NRG1: variants seen among roughly 807,000 people sequenced by gnomAD.
NRG1 encodes pro-neuregulin-1, membrane-bound isoform.
A neutral mutation model predicts 63.8 loss-of-function variants in NRG1; 18 were observed. That is an observed-to-expected ratio of 0.28 (90% CI 0.19 to 0.42). The LOEUF is 0.42. Ranked by LOEUF, NRG1 falls within the 10% of genes least tolerant of loss-of-function variation. The pLI, the probability that NRG1 is intolerant of heterozygous loss-of-function variation, is 1.00. For synonymous variants in NRG1, 302 were observed against 301.3 expected (o/e 1.00, Z -0.02); for missense variants, 762 against 814.7 (o/e 0.94, Z 0.79).
At chr8:32,487,666 G>A (rs569443227) in intron 1 of NRG1, among the ~76,000 whole-genome samples, 4 of 152,324 alleles carry the variant, frequency 2.6e-5, no homozygotes, top group Non-Finnish European at 5.9e-5. Flanking sequence ...AGTGCAGACT[G>A]TCTTGTGAGC....
chr8:32,192,251 C>G (rs571206044), intron 1 of NRG1: 1 of 152,242 alleles, frequency 6.6e-6, no homozygotes, highest in South Asian at 2.1e-4. Flanking sequence ...GGTATATATC[C>G]AAAAAAGCAC....
At chr8:31,800,576 G>A (rs1821667405) in intron 1 of NRG1, among the ~76,000 whole-genome samples, 2 of 152,082 alleles carry the variant, frequency 1.3e-5, no homozygotes, top group African/African-American at 4.8e-5. Context: ...TATCTCTTCT[G>A]GGAATTAAAA....
At chr8:32,583,173 A>C (rs1588477992) in intron 1 of NRG1, among the ~76,000 whole-genome samples, 1 of 152,214 alleles carries the variant, frequency 6.6e-6, no homozygotes, top group South Asian at 2.1e-4. Context: ...TTAGATATTT[A>C]TAGATGGTGG....
intron 1 of NRG1, among the ~76,000 whole-genome samples, chr8:32,449,016 C>T (rs559175981): frequency 2.6e-5 from 4 of 152,168 alleles, no homozygotes; most frequent in East Asian, 3.9e-4. Context: ...AGCCATCGGC[C>T]GGGCATGATG....
chr8:32,438,213 C>T (rs1819034527), intron 1 of NRG1, among the ~76,000 whole-genome samples: 1 of 152,082 alleles, frequency 6.6e-6, no homozygotes, highest in Non-Finnish European at 1.5e-5. Flanking sequence ...AAAACCCTGG[C>T]AATAATTAAC....
chr8:32,422,337 C>G (rs1049374426), intron 1 of NRG1, among the ~76,000 whole-genome samples: 3 of 152,104 alleles, frequency 2.0e-5, no homozygotes, highest in African/African-American at 7.2e-5. Flanking sequence ...ATACTCCTCA[C>G]AAAATAATAT....
In NRG1 at chr8:31,640,477, C is replaced by T; in HGVS notation, c.37+1046C>T. 6.2e-7 allele frequency: 1 copy of T among 1,603,588 alleles called. No individual in the cohort carries two copies. The highest frequency in any genetic ancestry group is 1.7e-5 in the Admixed American group (1 of 59,250). The stretch of plus-strand genomic sequence containing the variant: ...GGAGGCGCCCTATCTGGTGAAGGTG[C>T]ACCAGGTGTGGGCGGTGAAAGCCGG... On this transcript the variant is annotated intron_variant, in intron 1 of 10. Transcript: ENST00000519301. The surrounding 1 kb of genome is among the most constrained non-coding windows in gnomAD (Gnocchi z 6.3).
chr8:32,700,124 T>A (rs1814456390), intron 5 of NRG1, among the ~76,000 whole-genome samples: 1 of 152,114 alleles, frequency 6.6e-6, no homozygotes, highest in African/African-American at 2.4e-5. Flanking sequence ...ATTCAAGTTA[T>A]TTTTTAAGCA....
intron 1 of NRG1, among the ~76,000 whole-genome samples, chr8:31,979,636 T>A (rs113678786): frequency 5.3e-5 from 8 of 152,234 alleles, no homozygotes; most frequent in African/African-American, 1.9e-4. Flanking sequence ...TATACTGCTC[T>A]TCAATTAATG....
intron 1 of NRG1, among the ~76,000 whole-genome samples, chr8:32,523,043 C>T (rs1015823503): frequency 7.9e-5 from 12 of 152,134 alleles, no homozygotes; most frequent in African/African-American, 2.9e-4. Context: ...CTAAAACGAT[C>T]CTCCACCCTC....
At chr8:31,810,438 C>T (rs1168835655) in intron 1 of NRG1, among the ~76,000 whole-genome samples, 1 of 152,142 alleles carries the variant, frequency 6.6e-6, no homozygotes. Context: ...ACTTCTCTGA[C>T]TTTCTGTTCT....
At chr8:31,881,950 C>G (rs1382562210) in intron 1 of NRG1, among the ~76,000 whole-genome samples, 1 of 152,186 alleles carries the variant, frequency 6.6e-6, no homozygotes, top group Admixed American at 6.5e-5. Flanking sequence ...GATGTAGAAG[C>G]TGCAGCAAGT....
chr8:31,665,539 A>C (rs1406013756), intron 1 of NRG1, among the ~76,000 whole-genome samples: 1 of 152,292 alleles, frequency 6.6e-6, no homozygotes, highest in East Asian at 1.9e-4. Flanking sequence ...TGTTTTAGAG[A>C]GAAGAGCTGC....
At chr8:31,951,848 T>C (rs1803517411) in intron 1 of NRG1, among the ~76,000 whole-genome samples, 1 of 152,182 alleles carries the variant, frequency 6.6e-6, no homozygotes, top group Non-Finnish European at 1.5e-5. Flanking sequence ...TGACATGACA[T>C]AAAACTAAAT....
chr8:32,752,238 C>G lies in NRG1; in HGVS notation c.692-2134C>G, dbSNP rs185011011. 4.6e-5 allele frequency among the ~76,000 whole-genome samples: 7 copies of G among 152,168 alleles called. No homozygotes were observed. In the East Asian group the frequency reaches 1.4e-3, roughly 30 times the overall value. On this transcript the variant is annotated intron_variant, in intron 7 of 11. Coordinates refer to ENST00000356819, the Ensembl canonical transcript of NRG1. Reference sequence around the variant, plus strand: ...ACAGCTTTGCTTCTTAGACATGTATCCTAAAACCTGATCAGGATACCAAGA... The same window carrying G: ...ACAGCTTTGCTTCTTAGACATGTATGCTAAAACCTGATCAGGATACCAAGA...
chr8:32,608,460 TC>T (rs945203037), intron 3 of NRG1, among the ~76,000 whole-genome samples: 3 of 152,138 alleles, frequency 2.0e-5, no homozygotes, highest in Non-Finnish European at 4.4e-5. Flanking sequence ...CACCTTGAAC[TC>T]CCAAAGTGCT....
intron 1 of NRG1, among the ~76,000 whole-genome samples, chr8:31,759,346 T>G (rs1186205283): frequency 6.6e-6 from 1 of 152,108 alleles, no homozygotes; most frequent in African/African-American, 2.4e-5. Context: ...TTTTTTTTTC[T>G]TCTAGGATCT....
rs534430343 is a variant in NRG1 at position 32,682,066 on chromosome 8, C to A, written c.503-45883C>A. ...AATAAATGTTACTATTTTCATTGAT[C>A]TCATTTTCTATTTTCAATAAATCAA... On this transcript the variant is annotated intron_variant, in intron 5 of 11. Coordinates refer to ENST00000356819, the Ensembl canonical transcript of NRG1. Among the ~76,000 whole-genome samples the A allele has an allele frequency of 2.0e-5, 3 of 152,214 alleles. No individual in the cohort carries two copies. The South Asian group carries it at 6.2e-4, about 32-fold the overall frequency.
intron 1 of NRG1, among the ~76,000 whole-genome samples, chr8:31,941,823 T>C (rs905907126): frequency 2.6e-5 from 4 of 151,952 alleles, no homozygotes; most frequent in African/African-American, 7.2e-5. Context: ...CATAGGAATA[T>C]ACCTAAACAA....
Sources: gnomAD v4.1 joint callset for allele counts (sites outside exome capture counted in the v4.1 genomes callset) on GRCh38, gnomAD v4.1.1 for gene constraint, Gnocchi (gnomAD v3.1) non-coding constraint, MANE v1.5 for transcripts, NCBI Gene and HGNC (gene_info 2026-07-23, HGNC 2026-07-21) for gene names.